The following SEMA3C variants were observed in gnomAD, a reference collection of about 807,000 sequenced individuals.
The protein encoded by SEMA3C is semaphorin 3C.
Under a neutral mutation model 89.4 loss-of-function variants are expected in SEMA3C, and 47 were observed. The ratio of observed to expected loss-of-function variants is 0.53; its 90% CI spans 0.42 to 0.67. The LOEUF (loss-of-function observed/expected upper bound fraction) is 0.67. Among genes scored for constraint, SEMA3C ranks in the 30% least tolerant of loss-of-function variants. The pLI, the probability that SEMA3C is intolerant of heterozygous loss-of-function variation, is 0.00. For missense variants in SEMA3C, 839 were observed against 929.1 expected, an observed-to-expected ratio of 0.90 and a Z score of 1.26; for synonymous variants, 310 against 320.2, an observed-to-expected ratio of 0.97 and a Z score of 0.34.
intron 2 of SEMA3C, among the ~76,000 whole-genome samples, chr7:80,843,527 G>T (rs1361286153): frequency 1.3e-5 from 2 of 151,956 alleles, no homozygotes; most frequent in African/African-American, 4.8e-5. Context: ...CCACATGCAT[G>T]AAGAAAAAAA....
chr7:80,768,555 AT>A (rs1788357951), intron 12 of SEMA3C, among the ~76,000 whole-genome samples: 1 of 151,904 alleles, frequency 6.6e-6, no homozygotes, highest in Non-Finnish European at 1.5e-5. Flanking sequence ...AACTTAGATG[AT>A]TTTCTTGGGA....
chr7:80,755,521 TG>T (rs1788046072), intron 15 of SEMA3C, among the ~76,000 whole-genome samples: 2 of 151,752 alleles, frequency 1.3e-5, no homozygotes, highest in Admixed American at 1.3e-4. Flanking sequence ...ATATAATAAC[TG>T]GTATACCTAT....
chr7:80,780,720 C>T (rs768622265), intron 12 of SEMA3C, among the ~76,000 whole-genome samples: 38 of 152,122 alleles, frequency 2.5e-4, no homozygotes, highest in Non-Finnish European at 5.0e-4. Context: ...CCCATCTCTA[C>T]TAAAAATAGA....
chr7:80,845,412 A>G (rs1441214482), intron 2 of SEMA3C, among the ~76,000 whole-genome samples: 3 of 151,970 alleles, frequency 2.0e-5, no homozygotes, highest in Admixed American at 2.0e-4. Context: ...TCAAGGAGAG[A>G]GACAGCATAC....
intron 2 of SEMA3C, chr7:80,847,477 T>TA (rs1233212796): frequency 6.6e-6 from 1 of 152,218 alleles, no homozygotes; most frequent in African/African-American, 2.4e-5. Flanking sequence ...GTCCTAAAGA[T>TA]ACACTATCAT....
upstream of SEMA3C, chr7:80,922,312 T>A (rs535022182): frequency 1.7e-4 from 220 of 1,287,870 alleles, no homozygotes; most frequent in African/African-American, 3.0e-3. Context: ...CCTCTCTTTC[T>A]CCTTCACTCA....
chr7:80,759,067 G>C (rs190389448), intron 14 of SEMA3C, among the ~76,000 whole-genome samples: 5 of 152,004 alleles, frequency 3.3e-5, no homozygotes, highest in Non-Finnish European at 2.9e-5. Context: ...ATATTTAAAC[G>C]TCTTAAAATT....
chr7:80,791,975 T>G (rs961692793), intron 11 of SEMA3C, among the ~76,000 whole-genome samples: 3 of 152,156 alleles, frequency 2.0e-5, no homozygotes, highest in African/African-American at 7.2e-5. Context: ...TTTTTACAGA[T>G]CTGATAAATA....
chr7:80,818,591 A>G (rs1259584286), intron 4 of SEMA3C, among the ~76,000 whole-genome samples, 173 bp from the exon 5 acceptor site: 1 of 152,180 alleles, frequency 6.6e-6, no homozygotes, highest in Non-Finnish European at 1.5e-5. Context: ...CACTGGAAGA[A>G]GAATTGTCTT....
intron 2 of SEMA3C, among the ~76,000 whole-genome samples, chr7:80,907,781 T>C (rs1356319669): frequency 6.6e-6 from 1 of 152,008 alleles, no homozygotes. Context: ...CAAGGGGTAA[T>C]TTAAGTCATA....
chr7:80,849,463 C>T (rs927935202), intron 2 of SEMA3C, among the ~76,000 whole-genome samples: 4 of 152,100 alleles, frequency 2.6e-5, no homozygotes, highest in Non-Finnish European at 5.9e-5. Context: ...ATCTCTATTT[C>T]ATGCATACAA....
chr7:80,753,610 C>T (rs1258053313), intron 15 of SEMA3C, among the ~76,000 whole-genome samples: 1 of 152,148 alleles, frequency 6.6e-6, no homozygotes, highest in Non-Finnish European at 1.5e-5. Context: ...ATGGCACTCA[C>T]ATAGCATCAA....
intron 15 of SEMA3C, among the ~76,000 whole-genome samples, chr7:80,756,373 T>C (rs1309701153): frequency 6.6e-6 from 1 of 151,958 alleles, no homozygotes; most frequent in Non-Finnish European, 1.5e-5. Flanking sequence ...AAGCCACCAT[T>C]ATATCTCACC....
chr7:80,746,884 A>G (rs761953691), intron 17 of SEMA3C, among the ~76,000 whole-genome samples: 4 of 152,090 alleles, frequency 2.6e-5, no homozygotes, highest in Admixed American at 2.0e-4. Flanking sequence ...AAAAGTGAGA[A>G]TAAGTATTGA....
At chr7:80,782,936 T>C (rs1287279010) in intron 12 of SEMA3C, among the ~76,000 whole-genome samples, 1 of 152,124 alleles carries the variant, frequency 6.6e-6, no homozygotes, top group Non-Finnish European at 1.5e-5. Context: ...ATTTTAGAAA[T>C]CTGTAAATAT....
intron 2 of SEMA3C, among the ~76,000 whole-genome samples, chr7:80,835,652 T>A (rs1790108220): frequency 6.6e-6 from 1 of 152,164 alleles, no homozygotes; most frequent in Non-Finnish European, 1.5e-5. Context: ...TAATTCCTAA[T>A]GTGAACAAAG....
At chr7:80,791,859 GCTA>G (rs1252320322) in intron 11 of SEMA3C, among the ~76,000 whole-genome samples, 6 of 152,196 alleles carry the variant, frequency 3.9e-5, no homozygotes, top group Non-Finnish European at 7.3e-5. Flanking sequence ...TCCACGTGCA[GCTA>G]GATCTCAGCA....
intron 4 of SEMA3C, among the ~76,000 whole-genome samples, chr7:80,820,074 T>A (rs1372706582): frequency 2.1e-5 from 3 of 146,234 alleles, no homozygotes; most frequent in East Asian, 2.0e-4. Flanking sequence ...TTTTTTTTTT[T>A]AGAGACAGAG....
intron 10 of SEMA3C, among the ~76,000 whole-genome samples, chr7:80,798,747 C>T (rs1235993112): frequency 1.3e-5 from 2 of 152,070 alleles, no homozygotes; most frequent in Non-Finnish European, 2.9e-5. Flanking sequence ...TTAGGTACTT[C>T]CCCTGTTGGT....
Sources: gnomAD v4.1 joint callset for allele counts (sites outside exome capture counted in the v4.1 genomes callset) on GRCh38, gnomAD v4.1.1 for gene constraint, MANE v1.5 for transcripts, NCBI Gene and HGNC (gene_info 2026-07-23, HGNC 2026-07-21) for gene names.